MAP4K4: variants seen among roughly 807,000 people sequenced by gnomAD.
MAP4K4 encodes the protein HPK/GCK-like kinase HGK.
In MAP4K4, 38 loss-of-function variants were observed where a neutral mutation model predicts 189.6. The observed-to-expected ratio is 0.20, with a 90% CI of 0.15 to 0.26. The LOEUF (loss-of-function observed/expected upper bound fraction) is 0.26. Ranked by LOEUF, MAP4K4 falls within the 10% of genes least tolerant of loss-of-function variation. The pLI is 1.00. For missense variants in MAP4K4, 1,054 were observed against 1,726.9 expected (o/e 0.61, Z 6.91); for synonymous variants, 610 against 624.3 (o/e 0.98, Z 0.34).
intron 16 of MAP4K4, among the ~76,000 whole-genome samples, chr2:101,862,836 A>T (rs762079798): frequency 1.4e-4 from 22 of 152,256 alleles, no homozygotes; most frequent in Non-Finnish European, 2.1e-4. Flanking sequence ...TATATTGTAG[A>T]AATCATACAA....
chr2:101,852,364 A>T (rs2097313243), intron 12 of MAP4K4, among the ~76,000 whole-genome samples: 1 of 152,268 alleles, frequency 6.6e-6, no homozygotes, highest in African/African-American at 2.4e-5. Flanking sequence ...CTAGGTATAA[A>T]GGTTAGATTC....
chr2:101,728,573 G>T (rs1462526703), intron 2 of MAP4K4, among the ~76,000 whole-genome samples: 5 of 152,226 alleles, frequency 3.3e-5, no homozygotes, highest in African/African-American at 1.2e-4. Context: ...GTGCAGTGGT[G>T]CAGTGGTGTG....
chr2:101,894,111 T>C (rs10164504), exon 33 of MAP4K4: 2,107 of 152,732 alleles, frequency 0.014, 54 homozygotes, highest in African/African-American at 0.048. Flanking sequence ...AGGAATTATT[T>C]TCCCCCCTTT....
At chr2:101,766,807 G>T (rs1159558421) in intron 2 of MAP4K4, among the ~76,000 whole-genome samples, 7 of 152,128 alleles carry the variant, frequency 4.6e-5, no homozygotes, top group Non-Finnish European at 7.3e-5. Context: ...CGGTGTCCAG[G>T]TTCTTGGCAC....
chr2:101,871,114 C>T (rs775309801), intron 23 of MAP4K4, among the ~76,000 whole-genome samples: 10 of 151,888 alleles, frequency 6.6e-5, no homozygotes, highest in East Asian at 3.9e-4. Flanking sequence ...GCAATGCATT[C>T]GGATGGAAAG....
chr2:101,718,014 T>C (rs1408003537), intron 2 of MAP4K4, among the ~76,000 whole-genome samples: 2 of 151,768 alleles, frequency 1.3e-5, no homozygotes, highest in Admixed American at 1.3e-4. Flanking sequence ...CCCAGCACTT[T>C]GGGAGGCCAA....
At chr2:101,852,973 T>TTACAAAAAGA (rs1237979094) in intron 12 of MAP4K4, among the ~76,000 whole-genome samples, 7 of 152,236 alleles carry the variant, frequency 4.6e-5, no homozygotes, top group Admixed American at 4.6e-4. Flanking sequence ...GACACACTTA[T>TTACAAAAAGA]TACAAATGCT....
intron 2 of MAP4K4, among the ~76,000 whole-genome samples, chr2:101,774,110 T>A (rs1007070880): frequency 1.3e-5 from 2 of 152,226 alleles, no homozygotes; most frequent in Admixed American, 1.3e-4. Flanking sequence ...ATGGTAGCTC[T>A]ATTTATAGAT....
At chr2:101,760,791 G>A (rs1279313426) in intron 2 of MAP4K4, among the ~76,000 whole-genome samples, 1 of 152,136 alleles carries the variant, frequency 6.6e-6, no homozygotes, top group Non-Finnish European at 1.5e-5. Context: ...ATCACCTGAG[G>A]TTGGGAGTTG....
Position 101,749,351 on chromosome 2 carries a change from C to T in MAP4K4, c.124-41369C>T, listed in dbSNP as rs1286340489. ...AACAGAACAGAGCCCTCAGAAATAACGCTGCATATCTACAACCATCTGATC... is the reference window on the plus strand; with the variant it reads ...AACAGAACAGAGCCCTCAGAAATAATGCTGCATATCTACAACCATCTGATC... On this transcript the variant is annotated intron_variant, in intron 2 of 32. Coordinates refer to ENST00000324219, the Ensembl canonical transcript of MAP4K4. 1.2e-3 allele frequency among the ~76,000 whole-genome samples: 183 copies of T among 151,522 alleles called. 1 individual carries two copies. The highest frequency in any genetic ancestry group is 9.3e-3 in the East Asian group (48 of 5,152).
intron 2 of MAP4K4, among the ~76,000 whole-genome samples, chr2:101,751,821 T>A (rs1277754614): frequency 6.6e-6 from 1 of 152,218 alleles, no homozygotes; most frequent in Admixed American, 6.5e-5. Flanking sequence ...GAATCTTCGC[T>A]GTGGTCTGGA....
intron 27 of MAP4K4, among the ~76,000 whole-genome samples, chr2:101,882,188 C>T (rs534853433): frequency 6.6e-6 from 1 of 152,328 alleles, no homozygotes; most frequent in Non-Finnish European, 1.5e-5. Flanking sequence ...GAATTCTAGA[C>T]ATACTGATAG....
At chr2:101,698,826 C>T (rs1278797726) in intron 2 of MAP4K4, among the ~76,000 whole-genome samples, 1 of 152,140 alleles carries the variant, frequency 6.6e-6, no homozygotes, top group East Asian at 1.9e-4. Flanking sequence ...AATAAGACAA[C>T]CTGAATTTTT....
At chr2:101,721,942 A>G (rs1186596033) in intron 2 of MAP4K4, among the ~76,000 whole-genome samples, 1 of 152,234 alleles carries the variant, frequency 6.6e-6, no homozygotes, top group Non-Finnish European at 1.5e-5. Flanking sequence ...TTCAGCTGAT[A>G]GCAACTTCTT....
chr2:101,759,023 C>G (rs890554331), intron 2 of MAP4K4, among the ~76,000 whole-genome samples: 1 of 151,658 alleles, frequency 6.6e-6, no homozygotes, highest in African/African-American at 2.4e-5. Context: ...GTCCCAGCTA[C>G]TCGGGAGGCT....
At chr2:101,755,363 A>G (rs1300297825) in intron 2 of MAP4K4, among the ~76,000 whole-genome samples, 1 of 152,196 alleles carries the variant, frequency 6.6e-6, no homozygotes, top group African/African-American at 2.4e-5. Context: ...CAGCAAAGGA[A>G]AAGGCTGGCT....
chr2:101,837,998 GT>G (rs1157676531), intron 9 of MAP4K4, among the ~76,000 whole-genome samples: 1 of 152,292 alleles, frequency 6.6e-6, no homozygotes, highest in East Asian at 1.9e-4. Flanking sequence ...AATTATGGAC[GT>G]AAAGTCCTTC....
chr2:101,885,158 C>T, intron 28 of MAP4K4, 29 bp from the exon 29 acceptor site: 2 of 1,346,032 alleles, frequency 1.5e-6, no homozygotes, highest in African/African-American at 2.9e-5. Flanking sequence ...ACCTGTGCTT[C>T]TCTTGCTTTT....
intron 2 of MAP4K4, among the ~76,000 whole-genome samples, chr2:101,714,142 C>T (rs553934044): frequency 6.6e-6 from 1 of 152,312 alleles, no homozygotes; most frequent in African/African-American, 2.4e-5. Context: ...CTGCGGAATG[C>T]TAAACAATCA....
Sources: gnomAD v4.1 joint callset for allele counts (sites outside exome capture counted in the v4.1 genomes callset) on GRCh38, gnomAD v4.1.1 for gene constraint, MANE v1.5 for transcripts, NCBI Gene and HGNC (gene_info 2026-07-23, HGNC 2026-07-21) for gene names.